Variants in PPM1L observed in about 807,000 individuals in gnomAD.
PPM1L encodes protein phosphatase 1L.
In PPM1L, 13 loss-of-function variants were observed where a neutral mutation model predicts 31.4. The observed-to-expected ratio is 0.41, with a 90% CI of 0.27 to 0.66. The LOEUF (loss-of-function observed/expected upper bound fraction) is 0.66. Among genes scored for constraint, PPM1L ranks in the 30% least tolerant of loss-of-function variants. PPM1L has a pLI of 0.29. For synonymous variants in PPM1L, 184 were observed against 175.4 expected (o/e 1.05, Z -0.39); for missense variants, 326 against 453.7 (o/e 0.72, Z 2.56).
chr3:160,841,225 A>G (rs910177006), intron 1 of PPM1L, among the ~76,000 whole-genome samples: 2 of 152,024 alleles, frequency 1.3e-5, no homozygotes, highest in Non-Finnish European at 2.9e-5. Flanking sequence ...CTTAAAAGGG[A>G]ACTTCCCAGG....
chr3:160,847,245 G>A (rs1006068589), intron 1 of PPM1L, among the ~76,000 whole-genome samples: 1 of 151,942 alleles, frequency 6.6e-6, no homozygotes, highest in African/African-American at 2.4e-5. Context: ...ATATATTTGG[G>A]GGGCAAACAT....
chr3:160,911,468 C>T (rs1713971675), intron 1 of PPM1L, among the ~76,000 whole-genome samples: 1 of 152,196 alleles, frequency 6.6e-6, no homozygotes, highest in Admixed American at 6.5e-5. Flanking sequence ...CAGAGCCTTC[C>T]ATGGAAGCTA....
intron 2 of PPM1L, among the ~76,000 whole-genome samples, chr3:160,975,464 A>G (rs1337187381): frequency 3.3e-5 from 5 of 152,216 alleles, no homozygotes; most frequent in Admixed American, 2.0e-4. Context: ...TGCCTTGGGC[A>G]GTATGGCCAT....
chr3:160,769,562 CTG>C (rs1715193756), intron 1 of PPM1L, among the ~76,000 whole-genome samples: 1 of 151,450 alleles, frequency 6.6e-6, no homozygotes. Flanking sequence ...TTTTTCTCCG[CTG>C]TGTGAACTAG....
rs369911625 is a variant in PPM1L at position 160,784,652 on chromosome 3, T to C, written c.399+27945T>C. 9.2e-5 allele frequency among the ~76,000 whole-genome samples: 14 copies of C among 152,320 alleles called. 1 individual carries two copies. Among genetic ancestry groups the C allele is most frequent in the African/African-American group, 3.1e-4 (13 of 41,572 alleles). On this transcript the variant is annotated intron_variant, in intron 1 of 3. Coordinates refer to ENST00000498165, the MANE Select transcript of PPM1L (RefSeq NM_139245.4). ...TACTTATTAAATGTCTTTTAAAAAATGGTTTTGTTTTTCTCTCCCTACATG... is the reference window on the plus strand; with the variant it reads ...TACTTATTAAATGTCTTTTAAAAAACGGTTTTGTTTTTCTCTCCCTACATG...
At chr3:160,776,337 A>C (rs933801782) in intron 1 of PPM1L, among the ~76,000 whole-genome samples, 1 of 151,872 alleles carries the variant, frequency 6.6e-6, no homozygotes, top group Admixed American at 6.6e-5. Flanking sequence ...GTGTGTGTGT[A>C]TGTGTGTTTA....
intron 1 of PPM1L, among the ~76,000 whole-genome samples, chr3:160,924,808 G>GGTCAT (rs1714531523): frequency 1.3e-5 from 2 of 152,022 alleles, no homozygotes; most frequent in Non-Finnish European, 2.9e-5. Context: ...AGATAGGTCA[G>GGTCAT]TTATGGTACT....
intron 1 of PPM1L, among the ~76,000 whole-genome samples, chr3:160,950,502 A>T (rs1418136110): frequency 6.6e-6 from 1 of 152,120 alleles, no homozygotes; most frequent in African/African-American, 2.4e-5. Flanking sequence ...CAGGTTTTGA[A>T]GGCACTTCTT....
intron 2 of PPM1L, among the ~76,000 whole-genome samples, chr3:161,042,247 G>T (rs1048557595): frequency 1.3e-5 from 2 of 152,144 alleles, no homozygotes; most frequent in African/African-American, 4.8e-5. Context: ...TTTACCTAGG[G>T]AATGCATCTT....
intron 1 of PPM1L, among the ~76,000 whole-genome samples, chr3:160,860,771 G>C (rs570523354): frequency 5.3e-5 from 8 of 152,296 alleles, no homozygotes; most frequent in Non-Finnish European, 1.0e-4. Context: ...TCTGGTGTCT[G>C]ATGAGGTTCC....
At chr3:161,061,923 GAC>G (rs1329767634) in intron 2 of PPM1L, among the ~76,000 whole-genome samples, 1 of 152,164 alleles carries the variant, frequency 6.6e-6, no homozygotes, top group Non-Finnish European at 1.5e-5. Context: ...ATTGAACAAG[GAC>G]AGGGCAGCTC....
intron 1 of PPM1L, among the ~76,000 whole-genome samples, chr3:160,843,096 A>G (rs1713942083): frequency 6.6e-6 from 1 of 152,044 alleles, no homozygotes; most frequent in Non-Finnish European, 1.5e-5. Context: ...TTTTTTAAAA[A>G]AAATTGTTTT....
intron 1 of PPM1L, among the ~76,000 whole-genome samples, chr3:160,836,220 AAGG>A (rs1713709686): frequency 6.6e-6 from 1 of 151,926 alleles, no homozygotes; most frequent in Admixed American, 6.6e-5. Flanking sequence ...TTTTCTTTGG[AAGG>A]AAAGGAAGAG....
At chr3:161,003,325 C>A (rs1443074968) in intron 2 of PPM1L, among the ~76,000 whole-genome samples, 2 of 150,638 alleles carry the variant, frequency 1.3e-5, no homozygotes, top group African/African-American at 4.9e-5. Flanking sequence ...AATGTGGGCT[C>A]TTTTTTGGTT....
chr3:160,941,958 C>T (rs964381578), intron 1 of PPM1L, among the ~76,000 whole-genome samples: 8 of 152,356 alleles, frequency 5.3e-5, no homozygotes, highest in African/African-American at 1.7e-4. Flanking sequence ...AGCCAGCCCT[C>T]TGCTTTTCAT....
intron 1 of PPM1L, among the ~76,000 whole-genome samples, chr3:160,767,175 T>G (rs1170759865): frequency 2.6e-5 from 4 of 152,018 alleles, no homozygotes. Flanking sequence ...CCACCATTAG[T>G]GCCCTCCATG....
chr3:160,910,475 C>A (rs1002493015), intron 1 of PPM1L, among the ~76,000 whole-genome samples: 1 of 151,962 alleles, frequency 6.6e-6, no homozygotes, highest in Non-Finnish European at 1.5e-5. Flanking sequence ...CCACACCTGG[C>A]TAATTTTTGT....
At chr3:161,047,899 A>G (rs2108095510) in intron 2 of PPM1L, among the ~76,000 whole-genome samples, 1 of 152,350 alleles carries the variant, frequency 6.6e-6, no homozygotes, top group African/African-American at 2.4e-5. Flanking sequence ...GAAAGCTGAA[A>G]CTGGATCCCT....
At chr3:161,015,485 C>T (rs1299134594) in intron 2 of PPM1L, among the ~76,000 whole-genome samples, 6 of 152,192 alleles carry the variant, frequency 3.9e-5, no homozygotes, top group Non-Finnish European at 8.8e-5. Context: ...CTAAACTGGT[C>T]ATTATTTACA....
Sources: allele counts gnomAD v4.1 joint callset (sites outside exome capture counted in the v4.1 genomes callset), GRCh38; gene constraint gnomAD v4.1.1; transcripts MANE v1.5; gene names NCBI Gene and HGNC (gene_info 2026-07-23, HGNC 2026-07-21).